The following CDH8 variants were observed in gnomAD, a reference collection of about 807,000 sequenced individuals.
The protein encoded by CDH8 is cadherin-8.
A neutral mutation model predicts 68.1 loss-of-function variants in CDH8; 17 were observed. That is an observed-to-expected ratio of 0.25 (90% CI 0.17 to 0.37). The LOEUF (loss-of-function observed/expected upper bound fraction) is 0.37, where lower values mean the gene tolerates loss of function less well. CDH8 is among the 10% of genes least tolerant of loss of function. The pLI is 1.00. For synonymous variants in CDH8, 372 were observed against 365.1 expected (o/e 1.02, Z -0.21); for missense variants, 763 against 999.3 (o/e 0.76, Z 3.19).
chr16:61,982,985 A>G (rs921334986), intron 2 of CDH8, among the ~76,000 whole-genome samples: 4 of 152,210 alleles, frequency 2.6e-5, no homozygotes, highest in African/African-American at 7.2e-5. Context: ...TCTACATGTA[A>G]CATATAAAAG....
At chr16:61,976,959 T>A (rs2150580253) in intron 2 of CDH8, among the ~76,000 whole-genome samples, 1 of 152,290 alleles carries the variant, frequency 6.6e-6, no homozygotes, top group African/African-American at 2.4e-5. Context: ...ACATCCAGTA[T>A]AAATATCAGT....
At chr16:61,949,898 A>C (rs1964862487) in intron 2 of CDH8, among the ~76,000 whole-genome samples, 1 of 151,916 alleles carries the variant, frequency 6.6e-6, no homozygotes, top group East Asian at 1.9e-4. Flanking sequence ...TGAGGTAGGA[A>C]GATTGCTTAA....
intron 8 of CDH8, among the ~76,000 whole-genome samples, chr16:61,777,064 T>A (rs751738757): frequency 6.6e-6 from 1 of 152,048 alleles, no homozygotes; most frequent in Non-Finnish European, 1.5e-5. Flanking sequence ...AAGCAATGAT[T>A]CCAACCTAGC....
At chr16:61,819,182 C>T (rs1170205829) in intron 6 of CDH8, among the ~76,000 whole-genome samples, 1 of 151,952 alleles carries the variant, frequency 6.6e-6, no homozygotes, top group Non-Finnish European at 1.5e-5. Context: ...CAGACACATT[C>T]TGGTGTCCCA....
At chr16:61,913,544 T>A (rs1340509374) in intron 2 of CDH8, among the ~76,000 whole-genome samples, 1 of 152,136 alleles carries the variant, frequency 6.6e-6, no homozygotes, top group Non-Finnish European at 1.5e-5. Context: ...GTGCCTAGTA[T>A]GCCATCGGGT....
In CDH8 at chr16:61,727,083, G is replaced by A. The variant is rs1212699422; in HGVS notation, c.1536+11C>T. On this transcript the variant is annotated intron_variant, in intron 9 of 11. Transcript: ENST00000577390. Reference sequence around the variant, plus strand: ...AAACATATTCAGCATTAACAACATGGAGATATTTACTTGGCCGGGTTTTCC... The same window carrying A: ...AAACATATTCAGCATTAACAACATGAAGATATTTACTTGGCCGGGTTTTCC... 1 of 1,610,142 alleles carries A rather than the reference G, an allele frequency of 6.2e-7. No individual in the cohort carries two copies. Among genetic ancestry groups the A allele is most frequent in the East Asian group, 2.2e-5 (1 of 44,812 alleles).
rs1481234556 is a variant in CDH8 at position 61,824,897 on chromosome 16, T to C, written c.835+115A>G. 4.7e-6 allele frequency: 4 copies of C among 854,460 alleles called. No homozygotes were observed. The Admixed American group carries it at 8.1e-5, about 17-fold the overall frequency. 52.9% of individuals were successfully genotyped at this position (854,460 alleles called of 1,614,324 possible). ...CCAAAATCATGCCATACCTGGCACA[T>C]AATAAGCCACTCAATAGTTGCTGTC... On this transcript the variant is annotated intron_variant, in intron 5 of 11. Transcript: ENST00000577390.
At chr16:61,704,769 CAT>C (rs1319224226) in intron 10 of CDH8, among the ~76,000 whole-genome samples, 1 of 152,184 alleles carries the variant, frequency 6.6e-6, no homozygotes, top group Non-Finnish European at 1.5e-5. Context: ...TCTAACACCA[CAT>C]GTTTGAACAC....
rs185413209 is a variant in CDH8, at chr16:61,650,582, C to T, written c.*3026G>A. The T allele has an allele frequency of 4.6e-5, 7 of 151,666 alleles. No homozygotes were observed. Among genetic ancestry groups the T allele is most frequent in the East Asian group, 3.9e-4 (2 of 5,152 alleles). The allele number at this position is 151,666 out of a possible 1,614,324, so 9.4% of individuals were successfully genotyped here. A position where few individuals can be genotyped will look rare whatever the true frequency, so the allele number is the denominator to read the frequency against. ...TTAAATCTTAGAAAATGTTAGGAAC[C>T]TTATTGATATCTTTTGGTTGGGAAA... On this transcript the variant is annotated 3_prime_UTR_variant, in exon 12 of 12. Coordinates refer to ENST00000577390, the MANE Select transcript of CDH8 (RefSeq NM_001796.5).
intron 8 of CDH8, among the ~76,000 whole-genome samples, chr16:61,764,601 A>C (rs1293694215): frequency 6.6e-6 from 1 of 152,058 alleles, no homozygotes; most frequent in African/African-American, 2.4e-5. Context: ...CTGTCATCCT[A>C]GTCTCTCATA....
Position 61,879,564 on chromosome 16 carries a change from C to T in CDH8, c.547+21615G>A, listed in dbSNP as rs184561493. Among the ~76,000 whole-genome samples, 3 of 152,336 alleles carry T rather than the reference C, an allele frequency of 2.0e-5. No homozygotes were observed. In the East Asian group the frequency reaches 5.8e-4, roughly 29 times the overall value. On this transcript the variant is annotated intron_variant, in intron 3 of 11. Coordinates refer to ENST00000577390, the MANE Select transcript of CDH8 (RefSeq NM_001796.5). ...ATGATTTGCACCTGTTCCCTGTCAT[C>T]ATCCTCACAAACTGCTCTGTGCCCT...
At chr16:61,960,378 T>TACACATACATATATAC (rs1567546764) in intron 2 of CDH8, among the ~76,000 whole-genome samples, 4 of 68,988 alleles carry the variant, frequency 5.8e-5, no homozygotes, top group Admixed American at 3.2e-4. Context: ...CATATATACA[T>TACACATACATATATAC]GTGTGTGTGT....
rs138335076 is a variant in CDH8 at position 61,727,434 on chromosome 16, T to G, written c.1415-219A>C. 5.3e-5 allele frequency among the ~76,000 whole-genome samples: 8 copies of G among 151,280 alleles called. No individual in the cohort carries two copies. In the East Asian group the frequency reaches 1.6e-3, roughly 29 times the overall value. On this transcript the variant is annotated intron_variant, in intron 8 of 11. Coordinates refer to ENST00000577390, the MANE Select transcript of CDH8 (RefSeq NM_001796.5). ...TATTTCAAACACCATTTGCTGAGTT[T>G]AGCTTGATAAAGACCATTTCTGAAT...
chr16:61,771,219 A>G (rs1960768641), intron 8 of CDH8, among the ~76,000 whole-genome samples: 1 of 151,856 alleles, frequency 6.6e-6, no homozygotes, highest in African/African-American at 2.4e-5. Context: ...TTCCTGTCTT[A>G]TCTTCTTTTT....
rs555209392 is a variant in CDH8 at position 61,912,443 on chromosome 16, T to G, written c.253-10970A>C. On this transcript the variant is annotated intron_variant, in intron 2 of 11. Coordinates refer to ENST00000577390, the MANE Select transcript of CDH8 (RefSeq NM_001796.5). Reference sequence around the variant, plus strand: ...CCTGCTTCAAAGAAATCATCACATTTTCGAGTTTCTGTCATGATTACTCAA... The same window carrying G: ...CCTGCTTCAAAGAAATCATCACATTGTCGAGTTTCTGTCATGATTACTCAA... Among the ~76,000 whole-genome samples, 26 of 152,194 alleles carry G rather than the reference T, an allele frequency of 1.7e-4. No individual in the cohort carries two copies. The East Asian group carries it at 5.0e-3, about 29-fold the overall frequency.
At chr16:62,013,834 A>G (rs139675340) in intron 2 of CDH8, among the ~76,000 whole-genome samples, 2 of 152,318 alleles carry the variant, frequency 1.3e-5, no homozygotes, top group East Asian at 3.9e-4. Context: ...ATCTATTTAA[A>G]AAACAGAATT....
intron 2 of CDH8, among the ~76,000 whole-genome samples, chr16:61,966,327 CAA>C (rs10566335): frequency 0.47 from 71,002 of 151,660 alleles, 17,509 homozygotes; most frequent in East Asian, 0.84. Flanking sequence ...ATCACGATGT[CAA>C]GAGATCTAGA....
At chr16:61,996,420 A>C (rs1370009389) in intron 2 of CDH8, among the ~76,000 whole-genome samples, 1 of 152,210 alleles carries the variant, frequency 6.6e-6, no homozygotes, top group East Asian at 1.9e-4. Flanking sequence ...ATGCTCTGGC[A>C]TTTTCCCTTC....
intron 2 of CDH8, chr16:61,918,816 A>G (rs940509947): frequency 6.6e-6 from 1 of 151,544 alleles, no homozygotes; most frequent in Non-Finnish European, 1.5e-5. Flanking sequence ...AGCCCACCAC[A>G]GCTCAAGGAG....
Sources: gnomAD v4.1 joint callset for allele counts (sites outside exome capture counted in the v4.1 genomes callset) on GRCh38, gnomAD v4.1.1 for gene constraint, MANE v1.5 for transcripts, NCBI Gene and HGNC (gene_info 2026-07-23, HGNC 2026-07-21) for gene names.